Variants in EYS observed in about 807,000 individuals in gnomAD.
The protein encoded by EYS is protein eyes shut homolog.
EYS carries 250 observed loss-of-function variants against 282.1 expected under a neutral mutation model. That is an observed-to-expected ratio of 0.89 (90% CI 0.80 to 0.98). EYS has a LOEUF of 0.98. Among genes scored for constraint, EYS ranks in the 50% least tolerant of loss-of-function variants. The pLI is 0.00. For missense variants in EYS, 4,016 were observed against 3,709.0 expected (o/e 1.08, Z -2.15); for synonymous variants, 1,355 against 1,282.9 (o/e 1.06, Z -1.20).
At chr6:64,084,835 C>T (rs1772090760) in intron 31 of EYS, among the ~76,000 whole-genome samples, 2 of 152,070 alleles carry the variant, frequency 1.3e-5, no homozygotes, top group Non-Finnish European at 2.9e-5. Flanking sequence ...AGTGTTAAGG[C>T]CATCTTAGTC....
chr6:65,590,355 T>A (rs1013569101), intron 2 of EYS, among the ~76,000 whole-genome samples: 5 of 152,090 alleles, frequency 3.3e-5, no homozygotes, highest in Admixed American at 3.3e-4. Context: ...AATTTTTAAC[T>A]GACACGTAAT....
At chr6:64,536,767 A>C (rs76078524) in intron 26 of EYS, among the ~76,000 whole-genome samples, 2,041 of 151,670 alleles carry the variant, frequency 0.013, 60 homozygotes, top group East Asian at 0.11. Flanking sequence ...ATATCATGCA[A>C]TGTCCTTAGT....
chr6:64,743,936 A>T (rs1224749365), intron 22 of EYS, among the ~76,000 whole-genome samples: 2 of 152,154 alleles, frequency 1.3e-5, no homozygotes, highest in Non-Finnish European at 2.9e-5. Context: ...ACTCTAAAAT[A>T]GAGAATACTA....
At chr6:64,676,316 C>A (rs796694354) in intron 22 of EYS, among the ~76,000 whole-genome samples, 168 of 118,944 alleles carry the variant, frequency 1.4e-3, no homozygotes, top group Non-Finnish European at 2.6e-3. Context: ...TCCAATATAT[C>A]TATATATATA....
At chr6:65,173,803 T>A (rs1303702481) in intron 12 of EYS, among the ~76,000 whole-genome samples, 1 of 151,210 alleles carries the variant, frequency 6.6e-6, no homozygotes, top group Non-Finnish European at 1.5e-5. Context: ...CTGGAATTGA[T>A]TACCTTGAAA....
At chr6:65,610,257 T>C (rs1765947936) in intron 2 of EYS, among the ~76,000 whole-genome samples, 1 of 151,988 alleles carries the variant, frequency 6.6e-6, no homozygotes, top group African/African-American at 2.4e-5. Context: ...GGTTTCTTTG[T>C]ATTGTGTTGT....
rs561982249 is a variant in EYS, at chr6:64,877,487, A to T, written c.2992+9210T>A. On this transcript the variant is annotated intron_variant, in intron 19 of 42. Coordinates refer to ENST00000503581, the MANE Select transcript of EYS (RefSeq NM_001142800.2). ...AAATAGAAATAATGATGATCTAAAC[A>T]ATTATGCGATCCACTAATAGTAAGA... Among the ~76,000 whole-genome samples, 172 of 152,328 alleles carry T rather than the reference A, an allele frequency of 1.1e-3. 1 individual carries two copies. The highest frequency in any genetic ancestry group is 2.1e-3 in the Non-Finnish European group (141 of 68,030).
intron 12 of EYS, among the ~76,000 whole-genome samples, chr6:65,143,396 TAA>T (rs1296774497): frequency 6.6e-6 from 1 of 151,922 alleles, no homozygotes; most frequent in African/African-American, 2.4e-5. Flanking sequence ...CATTAAAATG[TAA>T]AGAGGCCAGA....
At chr6:65,126,987 G>A (rs1775737341) in intron 12 of EYS, among the ~76,000 whole-genome samples, 1 of 152,084 alleles carries the variant, frequency 6.6e-6, no homozygotes, top group African/African-American at 2.4e-5. Flanking sequence ...CCTGATCAGA[G>A]GCTATTAGCA....
intron 24 of EYS, 41 bp from the exon 25 acceptor site, chr6:64,593,350 C>T: frequency 6.8e-7 from 1 of 1,471,708 alleles, no homozygotes; most frequent in Non-Finnish European, 9.2e-7. Flanking sequence ...AGCTCAGTTT[C>T]TTTGTTCCTA....
intron 35 of EYS, among the ~76,000 whole-genome samples, chr6:63,952,265 C>T (rs1383811945): frequency 6.6e-6 from 1 of 152,222 alleles, no homozygotes; most frequent in Admixed American, 6.5e-5. Flanking sequence ...TGGGATCTCA[C>T]TGGAAATCGG....
intron 12 of EYS, among the ~76,000 whole-genome samples, chr6:65,165,085 CA>C (rs902712530): frequency 1.3e-5 from 2 of 151,120 alleles, no homozygotes; most frequent in African/African-American, 4.8e-5. Context: ...CTAGTATACA[CA>C]AAACAAAATG....
chr6:65,448,514 C>A (rs1301575939), intron 5 of EYS, among the ~76,000 whole-genome samples: 1 of 152,030 alleles, frequency 6.6e-6, no homozygotes, highest in Non-Finnish European at 1.5e-5. Flanking sequence ...TCCATTACTG[C>A]TTCATTGACA....
chr6:63,762,910 C>T (rs1769684044), intron 40 of EYS, among the ~76,000 whole-genome samples: 1 of 152,050 alleles, frequency 6.6e-6, no homozygotes, highest in African/African-American at 2.4e-5. Flanking sequence ...GTAAGTCTCT[C>T]TCCCAACTCC....
rs1582609735 is a variant in EYS at position 65,692,608 on chromosome 6, A to G, written c.-448+14527T>C. 1.3e-5 allele frequency among the ~76,000 whole-genome samples: 2 copies of G among 150,252 alleles called. 1 individual carries two copies. The highest frequency in any genetic ancestry group is 4.5e-4 in the East Asian group (2 of 4,402). On this transcript the variant is annotated intron_variant, in intron 1 of 42. Transcript: ENST00000503581. ...ACAATGATAAATATAAATGGAAAGTATAATTTTCCAATTAATCATTTATAA... is the reference window on the plus strand; with the variant it reads ...ACAATGATAAATATAAATGGAAAGTGTAATTTTCCAATTAATCATTTATAA...
chr6:64,161,420 A>G (rs993633134), intron 31 of EYS, among the ~76,000 whole-genome samples: 1 of 152,234 alleles, frequency 6.6e-6, no homozygotes, highest in East Asian at 1.9e-4. Context: ...TAATAAACAA[A>G]TTAAGATCTC....
chr6:64,637,264 T>TA (rs1391649466), intron 22 of EYS, among the ~76,000 whole-genome samples: 1 of 90,452 alleles, frequency 1.1e-5, no homozygotes, highest in Non-Finnish European at 2.4e-5. Flanking sequence ...TATGCAGCCA[T>TA]AAAAAATGAA....
chr6:64,839,854 A>T (rs1469947048), intron 19 of EYS, among the ~76,000 whole-genome samples: 1 of 152,046 alleles, frequency 6.6e-6, no homozygotes, highest in Non-Finnish European at 1.5e-5. Context: ...TTCATAAGGC[A>T]CTAATCCATT....
At chr6:65,519,061 G>C (rs1767247189) in intron 2 of EYS, among the ~76,000 whole-genome samples, 1 of 152,090 alleles carries the variant, frequency 6.6e-6, no homozygotes, top group Admixed American at 6.5e-5. Context: ...AATGATTCTT[G>C]TGTGTTCTAT....
Sources: gnomAD v4.1 joint callset for allele counts (sites outside exome capture counted in the v4.1 genomes callset) on GRCh38, gnomAD v4.1.1 for gene constraint, MANE v1.5 for transcripts, NCBI Gene and HGNC (gene_info 2026-07-23, HGNC 2026-07-21) for gene names.